STK3: variants seen among roughly 807,000 people sequenced by gnomAD.
STK3 encodes serine/threonine kinase 3, also known as serine/threonine-protein kinase 3.
STK3 carries 41 observed loss-of-function variants against 58.0 expected under a neutral mutation model. The ratio of observed to expected loss-of-function variants is 0.71; its 90% confidence interval spans 0.55 to 0.92. The LOEUF is 0.92. Ranked by LOEUF, STK3 falls within the 40% of genes least tolerant of loss-of-function variation. The pLI, the probability that STK3 is intolerant of heterozygous loss-of-function variation, is 0.00. For missense variants in STK3, 479 were observed against 602.7 expected (o/e 0.79, Z 2.15); for synonymous variants, 170 against 191.0 (o/e 0.89, Z 0.91).
At chr8:98,352,507 T>C in the STK3 span, among the ~76,000 whole-genome samples, 1 of 152,156 alleles carries the variant, frequency 6.6e-6, no homozygotes, top group Admixed American at 6.5e-5. Flanking sequence ...TTGTTAACAC[T>C]GCAGAAAAAA....
chr8:98,513,538 C>T (rs769622744), intron 10 of STK3, among the ~76,000 whole-genome samples: 12 of 152,156 alleles, frequency 7.9e-5, no homozygotes, highest in Non-Finnish European at 1.6e-4. Context: ...GATGACCTGG[C>T]ATATGTCCCT....
intron 1 of STK3, among the ~76,000 whole-genome samples, chr8:98,823,605 G>A (rs142485024): frequency 9.8e-4 from 149 of 152,298 alleles, no homozygotes; most frequent in African/African-American, 3.3e-3. Flanking sequence ...ACACATAGGG[G>A]CTTCAAATAT....
chr8:98,881,885 G>C (rs1288275117), downstream of STK3: 1 of 152,134 alleles, frequency 6.6e-6, no homozygotes, highest in Non-Finnish European at 1.5e-5. Flanking sequence ...TTAGGCCAAA[G>C]AGGGAGAAGG....
intron 3 of STK3, among the ~76,000 whole-genome samples, chr8:98,424,705 G>A (rs1818208807): frequency 6.6e-6 from 1 of 152,216 alleles, no homozygotes; most frequent in African/African-American, 2.4e-5. Context: ...AGCAGGGGAG[G>A]GAGGAAAGCC....
chr8:98,456,716 C>T (rs1819517684), intron 10 of STK3, among the ~76,000 whole-genome samples: 1 of 152,140 alleles, frequency 6.6e-6, no homozygotes, highest in East Asian at 1.9e-4. Flanking sequence ...CTGGGATGTG[C>T]CACTGCACCC....
intron 6 of STK3, among the ~76,000 whole-genome samples, chr8:98,656,536 A>ATATTTAT (rs1172249375): frequency 8.5e-5 from 13 of 152,122 alleles, no homozygotes; most frequent in Non-Finnish European, 1.0e-4. Flanking sequence ...TACTCAAGAA[A>ATATTTAT]GGCTGTTGAA....
the STK3 span, among the ~76,000 whole-genome samples, chr8:98,352,080 T>C: frequency 1.4e-5 from 2 of 142,202 alleles, no homozygotes; most frequent in African/African-American, 5.3e-5. Flanking sequence ...GAGCTTGTAG[T>C]GAGCTGAGAT....
At chr8:98,927,118 G>A (rs1839829243) in intron 1 of STK3, among the ~76,000 whole-genome samples, 1 of 152,212 alleles carries the variant, frequency 6.6e-6, no homozygotes, top group Non-Finnish European at 1.5e-5. Flanking sequence ...GAATGAGGGT[G>A]ATGAGATGAT....
At chr8:98,374,318 G>A (rs1398527354) in intron 2 of STK3, among the ~76,000 whole-genome samples, 3 of 152,186 alleles carry the variant, frequency 2.0e-5, no homozygotes, top group Non-Finnish European at 2.9e-5. Flanking sequence ...GAGGCCGTCT[G>A]TCTAAGCCAA....
chr8:98,371,986 A>G (rs1006718905), intron 2 of STK3, among the ~76,000 whole-genome samples: 1 of 152,012 alleles, frequency 6.6e-6, no homozygotes, highest in African/African-American at 2.4e-5. Context: ...GATCAGGGGG[A>G]GGGGGGTCCT....
intron 6 of STK3, among the ~76,000 whole-genome samples, chr8:98,677,201 C>T (rs1011568158): frequency 1.8e-4 from 28 of 152,124 alleles, no homozygotes; most frequent in African/African-American, 6.5e-4. Context: ...CATTATCTGT[C>T]GCCCTTGGCC....
intron 1 of STK3, among the ~76,000 whole-genome samples, chr8:98,921,067 G>A (rs1461500707): frequency 2.6e-5 from 4 of 152,206 alleles, no homozygotes; most frequent in East Asian, 3.9e-4. Flanking sequence ...CTGCAGATCA[G>A]CCTGGTGCAA....
intron 3 of STK3, among the ~76,000 whole-genome samples, chr8:98,869,612 T>G (rs1482611656): frequency 6.6e-6 from 1 of 152,076 alleles, no homozygotes; most frequent in Non-Finnish European, 1.5e-5. Context: ...AGCTAAGGGA[T>G]GCCTGGAGCC....
At chr8:98,506,395 G>A (rs779304085) in intron 10 of STK3, among the ~76,000 whole-genome samples, 6 of 152,126 alleles carry the variant, frequency 3.9e-5, no homozygotes, top group East Asian at 3.9e-4. Context: ...CTTGCCCTCC[G>A]TGGGCTGCAC....
intron 10 of STK3, among the ~76,000 whole-genome samples, chr8:98,497,589 A>G (rs1823235796): frequency 6.6e-6 from 1 of 152,162 alleles, no homozygotes; most frequent in Non-Finnish European, 1.5e-5. Context: ...AGCTCTTACA[A>G]CTCAATAATA....
downstream of STK3, among the ~76,000 whole-genome samples, chr8:98,366,469 A>G (rs1293396488): frequency 6.6e-6 from 1 of 152,228 alleles, no homozygotes; most frequent in East Asian, 1.9e-4. Flanking sequence ...TCCATACCAT[A>G]AAAACATTCT....
chr8:98,428,384 G>C lies in STK3; in HGVS notation n.483+5743C>G. ...AAGTAGAGCCCGAGCAGGAGAAGTG[G>C]GACGAGCAGAGTGACCAGGAGAGCA... On this transcript the variant is annotated intron_variant and non_coding_transcript_variant, in intron 3 of 3. Transcript: ENST00000517832. The surrounding 1 kb of genome is among the most constrained non-coding windows in gnomAD (Gnocchi z 6.7). 1 of 1,614,170 alleles carries C rather than the reference G, an allele frequency of 6.2e-7. No individual in the cohort carries two copies.
At chr8:98,832,273 G>T (rs372305279) in intron 3 of STK3, among the ~76,000 whole-genome samples, 16 of 144,032 alleles carry the variant, frequency 1.1e-4, no homozygotes, top group South Asian at 2.2e-4. Flanking sequence ...TATATATATA[G>T]ATATCTATAT....
At chr8:98,925,616 A>AT (rs990345796) in intron 1 of STK3, among the ~76,000 whole-genome samples, 1 of 152,106 alleles carries the variant, frequency 6.6e-6, no homozygotes, top group African/African-American at 2.4e-5. Context: ...AATTTTAAAG[A>AT]TTTTTTCAGC....
Sources: allele counts gnomAD v4.1 joint callset (sites outside exome capture counted in the v4.1 genomes callset), GRCh38; gene constraint gnomAD v4.1.1; non-coding constraint Gnocchi (gnomAD v3.1); transcripts MANE v1.5; gene names NCBI Gene and HGNC (gene_info 2026-07-23, HGNC 2026-07-21).